ASTN2: variants seen among roughly 807,000 people sequenced by gnomAD.
The protein encoded by ASTN2 is astrotactin 2, also known as astrotactin-2.
In ASTN2, 54 loss-of-function variants were observed where a neutral mutation model predicts 139.8. That is an observed-to-expected ratio of 0.39 (90% CI 0.31 to 0.48). The LOEUF (loss-of-function observed/expected upper bound fraction) is 0.48, where lower values mean the gene tolerates loss of function less well. ASTN2 is among the 20% of genes least tolerant of loss of function. The probability of loss-of-function intolerance (pLI) is 0.95; values close to 1 mark genes in which losing one functional copy is unlikely to be tolerated. For missense variants in ASTN2, 1,565 were observed against 1,725.1 expected (o/e 0.91, Z 1.64); for synonymous variants, 756 against 719.5 (o/e 1.05, Z -0.81).
chr9:116,853,106 A>G (rs2132325076), intron 11 of ASTN2, among the ~76,000 whole-genome samples: 1 of 152,302 alleles, frequency 6.6e-6, no homozygotes, highest in Non-Finnish European at 1.5e-5. Context: ...ATGCATAGGG[A>G]AGAAGTGTAT....
At chr9:117,175,009 A>G (rs114709898) in intron 3 of ASTN2, among the ~76,000 whole-genome samples, 1 of 152,194 alleles carries the variant, frequency 6.6e-6, no homozygotes, top group African/African-American at 2.4e-5. Flanking sequence ...CAAATACAAG[A>G]TACAAAGATT....
chr9:117,179,699 G>T (rs1831008516), intron 3 of ASTN2, among the ~76,000 whole-genome samples: 1 of 152,118 alleles, frequency 6.6e-6, no homozygotes, highest in Admixed American at 6.5e-5. Context: ...TCCTATGCTT[G>T]CTGTACTCCA....
intron 15 of ASTN2, 85 bp downstream of exon 15, chr9:116,728,907 T>A (rs1828703754): frequency 3.6e-6 from 4 of 1,109,898 alleles, no homozygotes; most frequent in Non-Finnish European, 5.3e-6. Context: ...CCCAGTGCTC[T>A]CATATGCCCT....
At chr9:116,726,145 G>C (rs1443139199) in intron 15 of ASTN2, among the ~76,000 whole-genome samples, 195 bp from the exon 16 acceptor site, 1 of 152,068 alleles carries the variant, frequency 6.6e-6, no homozygotes, top group Non-Finnish European at 1.5e-5. Context: ...CTCTCTGAGG[G>C]GTACATCAGA....
At chr9:116,687,311 C>A (rs958831289) in intron 16 of ASTN2, 13 of 979,582 alleles carry the variant, frequency 1.3e-5, no homozygotes, top group Admixed American at 1.2e-4. Flanking sequence ...GGGTGCTCAA[C>A]GGCGCGTGCG....
At position 116,699,962 on chromosome 9, in the gene ASTN2, A is replaced by G. The variant is rs1299174773; in HGVS notation, c.2806+25809T>C. 1 of 579,054 alleles carries G rather than the reference A, an allele frequency of 1.7e-6. No homozygotes were observed. Among genetic ancestry groups the G allele is most frequent in the Non-Finnish European group, 3.1e-6 (1 of 320,458 alleles). 35.9% of individuals were successfully genotyped at this position (579,054 alleles called of 1,614,324 possible). ...GGTGTTAGCTGAAGTTTGATTAGCA[A>G]TTAGGCACTTCCAAGGCTTTAGTAG... On this transcript the variant is annotated intron_variant, in intron 16 of 22. Coordinates refer to ENST00000313400, the MANE Select transcript of ASTN2 (RefSeq NM_001365068.1). This position sits in a 1 kb window ranked among gnomAD's most constrained non-coding sequence, Gnocchi z 4.2.
chr9:116,632,171 A>G (rs1588114811), intron 17 of ASTN2, among the ~76,000 whole-genome samples: 1 of 31,380 alleles, frequency 3.2e-5, no homozygotes, highest in Non-Finnish European at 5.5e-5. Context: ...AGAGAGAGAG[A>G]GAGAGAGAGA....
intron 11 of ASTN2, among the ~76,000 whole-genome samples, chr9:116,848,483 C>T (rs182471018): frequency 6.6e-6 from 1 of 152,326 alleles, no homozygotes; most frequent in East Asian, 1.9e-4. Flanking sequence ...ACACCAATAT[C>T]ATGCCCACTT....
rs202178088 is a variant in ASTN2 at position 117,261,991 on chromosome 9, T to C, written c.630+29335A>G. On this transcript the variant is annotated intron_variant, in intron 2 of 22. Coordinates refer to ENST00000313400, the MANE Select transcript of ASTN2 (RefSeq NM_001365068.1). ...TGGGCAAGGAAGATAATACTCTTTA[T>C]TTTAAAAAGGTATTATTTCAATTCT... Among the ~76,000 whole-genome samples the C allele has an allele frequency of 4.6e-5, 7 of 152,344 alleles. No homozygotes were observed. The East Asian group carries it at 1.3e-3, about 29-fold the overall frequency.
At chr9:117,323,488 C>T (rs1427833993) in intron 1 of ASTN2, among the ~76,000 whole-genome samples, 1 of 152,172 alleles carries the variant, frequency 6.6e-6, no homozygotes, top group Non-Finnish European at 1.5e-5. Context: ...TATGGCTTTG[C>T]CAGCCTGAAG....
intron 13 of ASTN2, among the ~76,000 whole-genome samples, chr9:116,788,279 C>T (rs1305395266): frequency 2.6e-5 from 4 of 151,960 alleles, no homozygotes; most frequent in Non-Finnish European, 4.4e-5. Flanking sequence ...TGGTGACCAT[C>T]GTTAATAATG....
chr9:116,934,651 A>C (rs1835012101), intron 10 of ASTN2, among the ~76,000 whole-genome samples: 1 of 152,144 alleles, frequency 6.6e-6, no homozygotes, highest in African/African-American at 2.4e-5. Flanking sequence ...GGATCAAGAA[A>C]AATTACTAAT....
At chr9:116,985,035 G>C (rs1836636880) in intron 7 of ASTN2, among the ~76,000 whole-genome samples, 1 of 152,094 alleles carries the variant, frequency 6.6e-6, no homozygotes, top group African/African-American at 2.4e-5. Context: ...ATGAAATGAG[G>C]AAGATTCTTT....
At chr9:116,991,398 C>A (rs761743263) in intron 7 of ASTN2, among the ~76,000 whole-genome samples, 2 of 151,988 alleles carry the variant, frequency 1.3e-5, no homozygotes, top group Admixed American at 1.3e-4. Context: ...TGTCATCATG[C>A]CTTCCATTTC....
At chr9:116,934,704 A>T (rs942432044) in intron 10 of ASTN2, among the ~76,000 whole-genome samples, 1 of 152,084 alleles carries the variant, frequency 6.6e-6, no homozygotes, top group Non-Finnish European at 1.5e-5. Flanking sequence ...CTGTACAACA[A>T]CCCTCCATGA....
intron 19 of ASTN2, among the ~76,000 whole-genome samples, chr9:116,526,914 T>C (rs994521510): frequency 1.3e-5 from 2 of 152,118 alleles, no homozygotes; most frequent in Non-Finnish European, 2.9e-5. Flanking sequence ...CAACTAATTT[T>C]CAACAAAGGA....
At chr9:116,499,808 A>G (rs564832904) in intron 19 of ASTN2, among the ~76,000 whole-genome samples, 4 of 152,088 alleles carry the variant, frequency 2.6e-5, no homozygotes, top group African/African-American at 4.8e-5. Flanking sequence ...GTCTTATGTA[A>G]AAGAGTACTG....
chr9:116,760,689 A>C (rs1378628952), intron 13 of ASTN2, among the ~76,000 whole-genome samples: 2 of 152,036 alleles, frequency 1.3e-5, no homozygotes, highest in African/African-American at 4.8e-5. Context: ...AGAGAGGTAG[A>C]ATCTGCAGTG....
At chr9:116,458,742 C>T (rs1055306322) in intron 20 of ASTN2, among the ~76,000 whole-genome samples, 1 of 151,780 alleles carries the variant, frequency 6.6e-6, no homozygotes, top group African/African-American at 2.4e-5. Flanking sequence ...TACAGAATAT[C>T]ATTCAAAGAA....
Sources: gnomAD v4.1 joint callset for allele counts (sites outside exome capture counted in the v4.1 genomes callset) on GRCh38, gnomAD v4.1.1 for gene constraint, Gnocchi (gnomAD v3.1) non-coding constraint, MANE v1.5 for transcripts, NCBI Gene and HGNC (gene_info 2026-07-23, HGNC 2026-07-21) for gene names.